Variants in SNTG1 observed in about 807,000 individuals in gnomAD.
The protein encoded by SNTG1 is gamma-1-syntrophin.
A neutral mutation model predicts 74.7 loss-of-function variants in SNTG1; 39 were observed. That is an observed-to-expected ratio of 0.52 (90% CI 0.40 to 0.68). SNTG1 has a LOEUF of 0.68. Among genes scored for constraint, SNTG1 ranks in the 30% least tolerant of loss-of-function variants. The probability of loss-of-function intolerance (pLI) is 0.00; values close to 1 mark genes in which losing one functional copy is unlikely to be tolerated. For synonymous variants in SNTG1, 254 were observed against 217.1 expected (o/e 1.17, Z -1.49); for missense variants, 685 against 609.5 (o/e 1.12, Z -1.30).
intron 1 of SNTG1, among the ~76,000 whole-genome samples, chr8:50,028,793 A>T (rs1435409352): frequency 1.3e-5 from 2 of 152,202 alleles, no homozygotes; most frequent in African/African-American, 2.4e-5. Context: ...CATTTTCAAT[A>T]TATTTTTAAT....
chr8:50,618,793 C>T (rs1389758693), intron 13 of SNTG1, among the ~76,000 whole-genome samples: 2 of 152,068 alleles, frequency 1.3e-5, no homozygotes, highest in African/African-American at 4.8e-5. Flanking sequence ...TCATGGGGCC[C>T]TGTATATATA....
chr8:49,923,299 T>C (rs1192000518), intron 1 of SNTG1, among the ~76,000 whole-genome samples: 1 of 152,138 alleles, frequency 6.6e-6, no homozygotes, highest in Non-Finnish European at 1.5e-5. Flanking sequence ...TCTTACCCAA[T>C]CTTTATTTCT....
chr8:50,699,641 G>T (rs2095416844), intron 15 of SNTG1, among the ~76,000 whole-genome samples: 2 of 152,094 alleles, frequency 1.3e-5, no homozygotes, highest in Admixed American at 1.3e-4. Context: ...ATGAGTTCTT[G>T]ATATGTTTAG....
At chr8:50,541,243 C>CTGTGTGTGTG (rs200129335) in intron 11 of SNTG1, among the ~76,000 whole-genome samples, 6,313 of 142,990 alleles carry the variant, frequency 0.044, 192 homozygotes, top group Middle Eastern at 0.092. Flanking sequence ...AAGATTTTAC[C>CTGTGTGTGTG]TGTGTGTGTG....
At chr8:50,193,432 A>G (rs2083651133) in intron 2 of SNTG1, among the ~76,000 whole-genome samples, 1 of 151,974 alleles carries the variant, frequency 6.6e-6, no homozygotes, top group African/African-American at 2.4e-5. Flanking sequence ...TTTTGCAGCT[A>G]TAGTAAAAAG....
At chr8:50,684,307 G>C (rs2095342970) in intron 15 of SNTG1, among the ~76,000 whole-genome samples, 1 of 152,148 alleles carries the variant, frequency 6.6e-6, no homozygotes, top group South Asian at 2.1e-4. Context: ...GAATATTAGA[G>C]TTCAAATCTG....
rs963354654 is a variant in SNTG1, at chr8:50,121,679, CA to C, written c.-102-50875del. Among the ~76,000 whole-genome samples, 2 of 140,768 alleles carry C rather than the reference CA, an allele frequency of 1.4e-5. 1 individual carries two copies. The highest frequency in any genetic ancestry group is 3.2e-5 in the Non-Finnish European group (2 of 63,318). The allele number at this position is 140,768 out of a possible 152,430, so 92.3% of individuals were successfully genotyped here. Reference sequence around the variant, plus strand: ...TTAAACCAATGTGTTACAACTGTACCAAAAAAATAGAATGAATTTTAAATCA... The same window carrying C: ...TTAAACCAATGTGTTACAACTGTACCAAAAAATAGAATGAATTTTAAATCA... On this transcript the variant is annotated intron_variant, in intron 1 of 18. Coordinates refer to ENST00000642720, the MANE Select transcript of SNTG1 (RefSeq NM_018967.5).
chr8:50,368,382 AAAG>A (rs1308740751), intron 2 of SNTG1, among the ~76,000 whole-genome samples: 1 of 152,190 alleles, frequency 6.6e-6, no homozygotes, highest in African/African-American at 2.4e-5. Context: ...AATATGGATT[AAAG>A]AAGGATTTGT....
At chr8:50,549,322 A>AG (rs1289025511) in intron 11 of SNTG1, among the ~76,000 whole-genome samples, 1 of 152,156 alleles carries the variant, frequency 6.6e-6, no homozygotes, top group Non-Finnish European at 1.5e-5. Flanking sequence ...AAAATGCAAC[A>AG]GTCACAAACC....
At chr8:50,469,359 C>T (rs990896646) in intron 8 of SNTG1, among the ~76,000 whole-genome samples, 4 of 152,108 alleles carry the variant, frequency 2.6e-5, no homozygotes, top group Non-Finnish European at 4.4e-5. Context: ...CAGGACTGCA[C>T]TCCCTATTCC....
At chr8:50,055,023 G>A (rs901188233) in intron 1 of SNTG1, among the ~76,000 whole-genome samples, 13 of 151,938 alleles carry the variant, frequency 8.6e-5, no homozygotes, top group Non-Finnish European at 1.8e-4. Flanking sequence ...TCATATGGCT[G>A]AACCACCCTG....
At chr8:50,037,815 T>C (rs1322311342) in intron 1 of SNTG1, among the ~76,000 whole-genome samples, 2 of 152,198 alleles carry the variant, frequency 1.3e-5, no homozygotes, top group Non-Finnish European at 1.5e-5. Context: ...AAATACGTAA[T>C]AAATCATAAT....
chr8:50,010,645 T>A (rs1815690000), intron 1 of SNTG1, among the ~76,000 whole-genome samples: 1 of 152,024 alleles, frequency 6.6e-6, no homozygotes, highest in African/African-American at 2.4e-5. Flanking sequence ...TAAATTTTGA[T>A]AAACTCTCTT....
rs78045185 is a variant in SNTG1 at position 50,547,712 on chromosome 8, T to C, written c.681-5338T>C. ...AAGAAATAACCCTTGAAGAAGTATA[T>C]GTATTCTGGTAGGCTTCAGTCACAG... On this transcript the variant is annotated intron_variant, in intron 11 of 18. Coordinates refer to ENST00000642720, the MANE Select transcript of SNTG1 (RefSeq NM_018967.5). 9.1e-4 allele frequency among the ~76,000 whole-genome samples: 138 copies of C among 152,300 alleles called. 4 individuals are homozygous for C. In the East Asian group the frequency reaches 0.022, roughly 25 times the overall value.
At chr8:50,157,843 A>T (rs1160257035) in intron 1 of SNTG1, among the ~76,000 whole-genome samples, 1 of 152,146 alleles carries the variant, frequency 6.6e-6, no homozygotes, top group Non-Finnish European at 1.5e-5. Flanking sequence ...CATAGAATCG[A>T]GAATGTTATA....
At chr8:50,230,218 T>C (rs1446038857) in intron 2 of SNTG1, among the ~76,000 whole-genome samples, 1 of 150,680 alleles carries the variant, frequency 6.6e-6, no homozygotes, top group African/African-American at 2.4e-5. Context: ...AAAGCAGAAA[T>C]CAATGAAACT....
At chr8:50,152,994 G>C (rs909946855) in intron 1 of SNTG1, among the ~76,000 whole-genome samples, 5 of 152,200 alleles carry the variant, frequency 3.3e-5, no homozygotes, top group African/African-American at 9.7e-5. Context: ...ATATCATGAG[G>C]AGTGTTTTCC....
intron 13 of SNTG1, among the ~76,000 whole-genome samples, chr8:50,617,978 G>C (rs1484128183): frequency 6.6e-6 from 1 of 152,084 alleles, no homozygotes; most frequent in South Asian, 2.1e-4. Flanking sequence ...ACAATATGAG[G>C]GGTGGTCTCC....
intron 8 of SNTG1, among the ~76,000 whole-genome samples, chr8:50,454,775 A>T (rs1015666536): frequency 7.0e-6 from 1 of 143,172 alleles, no homozygotes; most frequent in East Asian, 2.2e-4. Flanking sequence ...CCAGGAGGCA[A>T]AGGTTGCAGT....
Sources: allele counts gnomAD v4.1 joint callset (sites outside exome capture counted in the v4.1 genomes callset), GRCh38; gene constraint gnomAD v4.1.1; transcripts MANE v1.5; gene names NCBI Gene and HGNC (gene_info 2026-07-23, HGNC 2026-07-21).